Variants in CBR3 observed in about 807,000 individuals in gnomAD.
The protein encoded by CBR3 is carbonyl reductase 3, also known as carbonyl reductase [NADPH] 3.
In CBR3, 14 loss-of-function variants were observed where a neutral mutation model predicts 11.6. The ratio of observed to expected loss-of-function variants is 1.20; its 90% CI spans 0.79 to 1.88. The LOEUF is 1.88. CBR3 is among the 40% of genes most tolerant of loss of function. The pLI, the probability that CBR3 is intolerant of heterozygous loss-of-function variation, is 0.00. For missense variants in CBR3, 308 were observed against 357.3 expected, an observed-to-expected ratio of 0.86 and a Z score of 1.11; for synonymous variants, 125 against 145.6, an observed-to-expected ratio of 0.86 and a Z score of 1.02.
In CBR3 at chr21:36,146,113, G is replaced by C. The variant is rs760777725; in HGVS notation, c.435G>C (p.Arg145Ser). The change falls in exon 3 of 3, where the codon AGG becomes AGC. Residue 145 changes from arginine (R) to serine (S), a missense_variant. Physicochemically the swap from Arg to Ser is moderately radical, Grantham distance 110. Transcript: ENST00000290354. ...ATATCAGTAGTTTGCAGTGTTTAAG[G>C]GCTTTTGAAAACTGCAGTGAAGATC... ...VVNISSLQCL[R>S]AFENCSEDLQ... is the part of the protein sequence containing the mutation. 3.1e-6 allele frequency: 5 copies of C among 1,613,854 alleles called. No homozygotes were observed. The highest frequency in any genetic ancestry group is 4.2e-6 in the Non-Finnish European group (5 of 1,179,848).
At chr21:36,141,251 G>T (rs2065706802) in intron 2 of CBR3, 1 of 102,368 alleles carries the variant, frequency 9.8e-6, no homozygotes, top group African/African-American at 4.2e-5. Flanking sequence ...GACAGAGCAA[G>T]TCCTTGTCTC....
intron 1 of CBR3, among the ~76,000 whole-genome samples, chr21:36,136,281 A>G (rs1197198380): frequency 1.3e-5 from 2 of 148,274 alleles, no homozygotes; most frequent in Non-Finnish European, 3.0e-5. Flanking sequence ...TGCACTCCAG[A>G]CTGGGAGACA....
intron 1 of CBR3, among the ~76,000 whole-genome samples, chr21:36,136,622 AG>A (rs937635702): frequency 3.3e-4 from 50 of 152,190 alleles, no homozygotes; most frequent in African/African-American, 1.2e-3. Flanking sequence ...CGACAGGCGG[AG>A]GGACTTCCCC....
At chr21:36,136,308 G>GAA (rs3028091) in intron 1 of CBR3, among the ~76,000 whole-genome samples, 59,273 of 139,854 alleles carry the variant, frequency 0.42, 12,838 homozygotes, top group South Asian at 0.54. Flanking sequence ...GACTCCGTAT[G>GAA]AAAAAAAAAA....
intron 1 of CBR3, among the ~76,000 whole-genome samples, chr21:36,136,224 A>T (rs917048309): frequency 6.6e-6 from 1 of 151,638 alleles, no homozygotes; most frequent in Non-Finnish European, 1.5e-5. Context: ...AGGCCGAGGC[A>T]GGAGAAACGC....
Position 36,136,754 on chromosome 21 carries a change from G to A in CBR3, c.290-1071G>A, listed in dbSNP as rs2065662929. Among the ~76,000 whole-genome samples, 3 of 152,104 alleles carry A rather than the reference G, an allele frequency of 2.0e-5. No homozygotes were observed. In the South Asian group the frequency reaches 6.2e-4, roughly 32 times the overall value. On this transcript the variant is annotated intron_variant, in intron 1 of 2. Coordinates refer to ENST00000290354, the MANE Select transcript of CBR3 (RefSeq NM_001236.4). Reference sequence around the variant, plus strand: ...ATCAAAATCTGCGTTTCCGCTGGGCGCGGTGGCTCATGCCTGTAATCCCAG... The same window carrying A: ...ATCAAAATCTGCGTTTCCGCTGGGCACGGTGGCTCATGCCTGTAATCCCAG...
intron 2 of CBR3, among the ~76,000 whole-genome samples, chr21:36,141,192 G>A (rs553363959): frequency 6.6e-6 from 1 of 151,104 alleles, no homozygotes; most frequent in South Asian, 2.1e-4. Flanking sequence ...GGCCCAGGAG[G>A]TTGAGGCTGC....
chr21:36,145,484 C>T (rs2123353643), intron 2 of CBR3, among the ~76,000 whole-genome samples: 1 of 152,154 alleles, frequency 6.6e-6, no homozygotes, highest in Admixed American at 6.5e-5. Flanking sequence ...AGACCACAGG[C>T]ACACGCCACC....
rs980211521 is a variant in CBR3 at position 36,135,260 on chromosome 21, G to T, written c.68G>T (p.Arg23Leu). ...ANRGIGLAIA[R>L]ELCRQFSGDV... ...AGGGGCATCGGCTTGGCCATCGCGCGCGAACTGTGCCGACAGTTCTCTGGG... is the reference window on the plus strand; with the variant it reads ...AGGGGCATCGGCTTGGCCATCGCGCTCGAACTGTGCCGACAGTTCTCTGGG... The change falls in exon 1 of 3, where the codon CGC (arginine) becomes CTC (leucine). Residue 23 changes from arginine to leucine, a missense_variant. Transcript: ENST00000290354. 1 of 1,589,986 alleles carries T rather than the reference G, an allele frequency of 6.3e-7. No individual in the cohort carries two copies. Among genetic ancestry groups the T allele is most frequent in the Non-Finnish European group, 8.5e-7 (1 of 1,169,808 alleles).
At position 36,142,435 on chromosome 21, in the gene CBR3, A is replaced by AAAAAAAAAAAAAAAC. The variant is rs1176543519; in HGVS notation, c.398-3628_398-3627insACAAAAAAAAAAAAA. 1.2e-3 allele frequency among the ~76,000 whole-genome samples: 164 copies of AAAAAAAAAAAAAAAC among 137,930 alleles called. 1 individual carries two copies. Among genetic ancestry groups the AAAAAAAAAAAAAAAC allele is most frequent in the Non-Finnish European group, 1.9e-3 (127 of 65,962 alleles). 90.5% of individuals were successfully genotyped at this position (137,930 alleles called of 152,430 possible). ...TGACAGAGCGAGACTCCATCTCAAA[A>AAAAAAAAAAAAAAAC]AAAAAAAAAAAAACGCAATCCATGA... is the stretch of plus-strand genomic sequence containing the variant. On this transcript the variant is annotated intron_variant, in intron 2 of 2. Transcript: ENST00000290354.
At chr21:36,142,429 C>A (rs1250751694) in intron 2 of CBR3, among the ~76,000 whole-genome samples, 3 of 2,386 alleles carry the variant, frequency 1.3e-3, no homozygotes, top group East Asian at 6.4e-3. Context: ...GAGACTCCAT[C>A]TCAAAAAAAA....
At chr21:36,142,441 A>AAAAAAAAAAAAAAAAAC (rs926876949) in intron 2 of CBR3, among the ~76,000 whole-genome samples, 2 of 149,640 alleles carry the variant, frequency 1.3e-5, no homozygotes, top group African/African-American at 2.5e-5. Flanking sequence ...CAAAAAAAAA[A>AAAAAAAAAAAAAAAAAC]AAAAAAACGC....
chr21:36,142,923 T>C (rs1323463100), intron 2 of CBR3, among the ~76,000 whole-genome samples: 1 of 152,200 alleles, frequency 6.6e-6, no homozygotes, highest in Non-Finnish European at 1.5e-5. Context: ...AGAGTGAGGG[T>C]ATCTCTTGTG....
rs182483323 is a variant in CBR3 at position 36,139,945 on chromosome 21, T to C, written c.397+2013T>C. On this transcript the variant is annotated intron_variant, in intron 2 of 2. Coordinates refer to ENST00000290354, the MANE Select transcript of CBR3 (RefSeq NM_001236.4). ...CTCCGTCGCCCAGACTGGAGTGCAG[T>C]GGCATGAGCTCAGCTCGCTGCAACC... Among the ~76,000 whole-genome samples the C allele has an allele frequency of 4.5e-3, 590 of 132,350 alleles. 3 individuals are homozygous for C. The highest frequency in any genetic ancestry group is 5.7e-3 in the Non-Finnish European group (368 of 64,172). The allele number at this position is 132,350 out of a possible 152,430, so 86.8% of individuals were successfully genotyped here. A position where few individuals can be genotyped will look rare whatever the true frequency, so the allele number is the denominator to read the frequency against.
chr21:36,146,002 T>C, intron 2 of CBR3, 74 bp from the exon 3 acceptor site: 1 of 801,496 alleles, frequency 1.2e-6, no homozygotes, highest in East Asian at 2.7e-5. Flanking sequence ...GACTCAATCA[T>C]ATGTTTGGTA....
At chr21:36,137,495 AAAGAAAGAAAGGAAGG>A (rs1568978522) in intron 1 of CBR3, 1 of 183,022 alleles carries the variant, frequency 5.5e-6, no homozygotes, top group African/African-American at 2.7e-5. Context: ...AAAGAAAAGA[AAAGAAAGAAAGGAAGG>A]AAGGAAGGAA....
intron 2 of CBR3, among the ~76,000 whole-genome samples, chr21:36,143,933 C>T (rs1408791294): frequency 6.6e-6 from 1 of 151,494 alleles, no homozygotes; most frequent in African/African-American, 2.4e-5. Context: ...GGAAAAACAG[C>T]CCATTCCACA....
At chr21:36,136,088 G>A (rs761963438) in intron 1 of CBR3, among the ~76,000 whole-genome samples, 1 of 152,168 alleles carries the variant, frequency 6.6e-6, no homozygotes, top group Non-Finnish European at 1.5e-5. Flanking sequence ...AAATACGTGC[G>A]TGTGGTCTTA....
chr21:36,139,214 G>C (rs191181369), intron 2 of CBR3, among the ~76,000 whole-genome samples: 3 of 152,192 alleles, frequency 2.0e-5, no homozygotes, highest in African/African-American at 7.2e-5. Context: ...CTCATTGGTG[G>C]AGCTGAAACT....
Sources: gnomAD v4.1 joint callset for allele counts (sites outside exome capture counted in the v4.1 genomes callset) on GRCh38, gnomAD v4.1.1 for gene constraint, MANE v1.5 for transcripts, NCBI Gene and HGNC (gene_info 2026-07-23, HGNC 2026-07-21) for gene names.